The following ENTREP2 variants were observed in gnomAD, a reference collection of about 807,000 sequenced individuals.
The protein encoded by ENTREP2 is endosomal transmembrane epsin interactor 2, also known as protein ENTREP2.
chr15:29,447,785 G>A, the ENTREP2 span, among the ~76,000 whole-genome samples: 5 of 152,156 alleles, frequency 3.3e-5, no homozygotes, highest in East Asian at 5.8e-4. Context: ...GGGCTTGGCC[G>A]GGCGTGGTGG....
chr15:29,529,126 C>G, the ENTREP2 span, among the ~76,000 whole-genome samples: 3 of 77,230 alleles, frequency 3.9e-5, no homozygotes, highest in East Asian at 1.1e-3. Context: ...AAAACAAAAG[C>G]CTCTTGCATG....
chr15:29,141,032 G>A, the ENTREP2 span, among the ~76,000 whole-genome samples: 2 of 152,360 alleles, frequency 1.3e-5, no homozygotes, highest in Admixed American at 1.3e-4. Flanking sequence ...GCTCCGGGGA[G>A]AGGGGATCCG....
chr15:29,149,530 A>G, the ENTREP2 span, among the ~76,000 whole-genome samples: 2 of 152,164 alleles, frequency 1.3e-5, no homozygotes, highest in Admixed American at 1.3e-4. Context: ...ACATGGCAAG[A>G]GCCGACCTCC....
the ENTREP2 span, chr15:29,269,398 T>A: frequency 5.0e-6 from 8 of 1,614,028 alleles, no homozygotes; most frequent in East Asian, 2.2e-5. Context: ...GATCGGAATC[T>A]TCTTCTGGTC....
the ENTREP2 span, among the ~76,000 whole-genome samples, chr15:29,236,536 C>T: frequency 6.6e-6 from 1 of 152,004 alleles, no homozygotes; most frequent in East Asian, 1.9e-4. Flanking sequence ...GTAGTCCTAC[C>T]TACTCAGGAG....
At chr15:29,647,382 G>A in the ENTREP2 span, among the ~76,000 whole-genome samples, 1 of 152,082 alleles carries the variant, frequency 6.6e-6, no homozygotes, top group Non-Finnish European at 1.5e-5. Context: ...CAAACCTAAT[G>A]GAAAGGGATG....
At chr15:29,553,681 G>C in the ENTREP2 span, among the ~76,000 whole-genome samples, 21 of 152,148 alleles carry the variant, frequency 1.4e-4, no homozygotes, top group African/African-American at 5.1e-4. Context: ...CTAGCTCTGG[G>C]GGAAGCAGCC....
chr15:29,422,732 A>G, the ENTREP2 span, among the ~76,000 whole-genome samples: 2 of 152,336 alleles, frequency 1.3e-5, no homozygotes, highest in South Asian at 4.1e-4. Flanking sequence ...GGTGGAGTGA[A>G]GGTGACAAGG....
At chr15:29,319,860 T>C in the ENTREP2 span, among the ~76,000 whole-genome samples, 1 of 152,166 alleles carries the variant, frequency 6.6e-6, no homozygotes, top group Non-Finnish European at 1.5e-5. Flanking sequence ...AGCCTCCAAG[T>C]GAGACTGCTG....
the ENTREP2 span, among the ~76,000 whole-genome samples, chr15:29,398,745 A>C: frequency 6.6e-6 from 1 of 152,170 alleles, no homozygotes; most frequent in Non-Finnish European, 1.5e-5. Context: ...AAAATAAAAC[A>C]AAATGATTCT....
chr15:29,444,247 AAAGAGAAAGAG>A, the ENTREP2 span, among the ~76,000 whole-genome samples: 2 of 148,644 alleles, frequency 1.3e-5, no homozygotes, highest in Non-Finnish European at 3.0e-5. Flanking sequence ...AGAAAGAAAG[AAAGAGAAAGAG>A]AAAAGAAGGG....
the ENTREP2 span, among the ~76,000 whole-genome samples, chr15:29,286,053 A>C: frequency 6.6e-6 from 1 of 152,226 alleles, no homozygotes; most frequent in Admixed American, 6.5e-5. Context: ...ATAGAAAGGA[A>C]CTTAAACAAT....
At chr15:29,308,239 G>A in the ENTREP2 span, among the ~76,000 whole-genome samples, 1 of 152,114 alleles carries the variant, frequency 6.6e-6, no homozygotes, top group African/African-American at 2.4e-5. Context: ...AGCCGGGTGT[G>A]GTGGCTCACG....
At chr15:29,563,824 G>A in the ENTREP2 span, among the ~76,000 whole-genome samples, 2 of 143,760 alleles carry the variant, frequency 1.4e-5, no homozygotes, top group Admixed American at 7.0e-5. Context: ...GCAACACAGC[G>A]AGACTCTGCC....
the ENTREP2 span, among the ~76,000 whole-genome samples, chr15:29,174,071 C>A: frequency 6.6e-6 from 1 of 151,974 alleles, no homozygotes; most frequent in Middle Eastern, 3.2e-3. Context: ...CAATCTTAAT[C>A]GTAGGTGGAA....
chr15:29,328,986 ATG>A, the ENTREP2 span, among the ~76,000 whole-genome samples: 2 of 152,156 alleles, frequency 1.3e-5, no homozygotes, highest in Admixed American at 1.3e-4. Flanking sequence ...TATGTATACT[ATG>A]TGTTTTCCTA....
chr15:29,235,598 T>G, the ENTREP2 span, among the ~76,000 whole-genome samples: 1 of 152,210 alleles, frequency 6.6e-6, no homozygotes, highest in Non-Finnish European at 1.5e-5. Context: ...GGGAAATTTA[T>G]AGCACTAGAT....
the ENTREP2 span, among the ~76,000 whole-genome samples, chr15:29,135,392 A>G: frequency 1.3e-5 from 2 of 151,992 alleles, no homozygotes; most frequent in African/African-American, 4.8e-5. The surrounding 1 kb of genome is among the most constrained non-coding windows in gnomAD (Gnocchi z 7.4). Context: ...GATTTGGTCT[A>G]TTTACATAAC....
At chr15:29,668,311 A>C in the ENTREP2 span, among the ~76,000 whole-genome samples, 1 of 152,186 alleles carries the variant, frequency 6.6e-6, no homozygotes, top group African/African-American at 2.4e-5. Flanking sequence ...GAAAAGGAGA[A>C]CCATACTTTC....
Sources: gnomAD v4.1 joint callset for allele counts (sites outside exome capture counted in the v4.1 genomes callset) on GRCh38, gnomAD v4.1.1 for gene constraint, Gnocchi (gnomAD v3.1) non-coding constraint, MANE v1.5 for transcripts, NCBI Gene and HGNC (gene_info 2026-07-23, HGNC 2026-07-21) for gene names.